The following NRXN1 variants were observed in gnomAD, a reference collection of about 807,000 sequenced individuals.
NRXN1 encodes the protein neurexin 1, also known as neurexin-1.
A neutral mutation model predicts 150.9 loss-of-function variants in NRXN1; 39 were observed. That is an observed-to-expected ratio of 0.26 (90% CI 0.20 to 0.34). NRXN1 has a LOEUF of 0.34. Ranked by LOEUF, NRXN1 falls within the 10% of genes least tolerant of loss-of-function variation. NRXN1 has a pLI of 1.00. For missense variants in NRXN1, 1,815 were observed against 1,949.9 expected (o/e 0.93, Z 1.30); for synonymous variants, 924 against 757.0 (o/e 1.22, Z -3.62).
At chr2:50,332,836 T>A (rs1043059062) in intron 17 of NRXN1, among the ~76,000 whole-genome samples, 4 of 152,206 alleles carry the variant, frequency 2.6e-5, no homozygotes, top group Non-Finnish European at 5.9e-5. Context: ...TTTTGAGTTA[T>A]TTCAACAATG....
At chr2:50,550,550 C>T (rs534108207) in intron 9 of NRXN1, among the ~76,000 whole-genome samples, 12 of 151,958 alleles carry the variant, frequency 7.9e-5, no homozygotes, top group African/African-American at 2.9e-4. Context: ...CTTGAAAGTT[C>T]ATATGTACCA....
chr2:50,964,026 T>A (rs1186049736), intron 2 of NRXN1: 2 of 433,314 alleles, frequency 4.6e-6, no homozygotes, highest in African/African-American at 4.1e-5. Context: ...AGCATTTAAT[T>A]TTTTGCCTAC....
intron 21 of NRXN1, among the ~76,000 whole-genome samples, chr2:50,012,329 T>C (rs1056555339): frequency 6.6e-6 from 1 of 152,126 alleles, no homozygotes; most frequent in African/African-American, 2.4e-5. Context: ...TCTTTTTAAA[T>C]CTGATATTTG....
intron 17 of NRXN1, among the ~76,000 whole-genome samples, chr2:50,420,170 G>A (rs912524702): frequency 2.6e-5 from 4 of 151,912 alleles, no homozygotes; most frequent in African/African-American, 4.8e-5. Flanking sequence ...AGGTATAAAA[G>A]GTATCCAAGA....
chr2:50,253,291 T>A (rs2067342823), intron 17 of NRXN1, among the ~76,000 whole-genome samples: 1 of 152,190 alleles, frequency 6.6e-6, no homozygotes, highest in African/African-American at 2.4e-5. Context: ...AAGTTGTTTA[T>A]CAGCTTAAGA....
intron 17 of NRXN1, among the ~76,000 whole-genome samples, chr2:50,250,919 T>C (rs1258004186): frequency 1.3e-5 from 2 of 151,560 alleles, no homozygotes; most frequent in Admixed American, 6.6e-5. Context: ...TTATTACACA[T>C]TGCATATGTA....
At chr2:50,885,206 C>G (rs1390984035) in intron 5 of NRXN1, among the ~76,000 whole-genome samples, 1 of 151,440 alleles carries the variant, frequency 6.6e-6, no homozygotes, top group East Asian at 1.9e-4. Context: ...ACAGTATGTA[C>G]TATCTTTTTT....
At chr2:50,968,116 T>C (rs1205268942) in intron 2 of NRXN1, among the ~76,000 whole-genome samples, 3 of 152,060 alleles carry the variant, frequency 2.0e-5, no homozygotes, top group Admixed American at 1.3e-4. Context: ...CTGGTGATTC[T>C]GGAAAGAATG....
chr2:50,247,905 G>C (rs544303), intron 17 of NRXN1, among the ~76,000 whole-genome samples: 89,002 of 151,984 alleles, frequency 0.59, 26,809 homozygotes, highest in African/African-American at 0.72. Flanking sequence ...TGGGAGCTAA[G>C]TGAAGACACA....
intron 21 of NRXN1, among the ~76,000 whole-genome samples, chr2:50,005,080 C>T (rs1684542796): frequency 6.6e-6 from 1 of 152,108 alleles, no homozygotes; most frequent in Non-Finnish European, 1.5e-5. Context: ...CATGAAACCA[C>T]TGTCTTTCTT....
At chr2:50,232,153 T>C (rs147438513) in intron 18 of NRXN1, among the ~76,000 whole-genome samples, 65 of 152,130 alleles carry the variant, frequency 4.3e-4, no homozygotes, top group African/African-American at 1.5e-3. Flanking sequence ...AAATGTTTGC[T>C]ATAAATCATA....
intron 21 of NRXN1, among the ~76,000 whole-genome samples, chr2:50,045,198 G>T (rs187242731): frequency 1.3e-4 from 20 of 152,132 alleles, no homozygotes; most frequent in African/African-American, 4.3e-4. Flanking sequence ...ACTAACATAG[G>T]CTCTAGATGA....
At position 50,355,397 on chromosome 2, in the gene NRXN1, T is replaced by TA. The variant is rs569665614; in HGVS notation, c.3364+110044dup. On this transcript the variant is annotated intron_variant, in intron 17 of 22. Transcript: ENST00000401669. ...CTACTATCAAGACCTTTTTACCAGGTAAAATTAAAATTCTGTAGCATGTTA... is the reference window on the plus strand; with the variant it reads ...CTACTATCAAGACCTTTTTACCAGGTAAAAATTAAAATTCTGTAGCATGTTA... Among the ~76,000 whole-genome samples the TA allele has an allele frequency of 9.5e-4, 145 of 151,914 alleles. 3 individuals carry two copies. The highest frequency in any genetic ancestry group is 6.8e-3 in the Middle Eastern group (2 of 294).
intron 17 of NRXN1, among the ~76,000 whole-genome samples, chr2:50,399,016 C>T (rs1241304884): frequency 6.6e-6 from 1 of 152,104 alleles, no homozygotes; most frequent in East Asian, 1.9e-4. Context: ...ATGTGCGTGA[C>T]TATTTTCAGG....
intron 22 of NRXN1, among the ~76,000 whole-genome samples, chr2:49,927,114 G>A (rs1669244354): frequency 1.3e-5 from 2 of 152,154 alleles, no homozygotes; most frequent in South Asian, 4.1e-4. Flanking sequence ...TACTCAGGAA[G>A]GTGTTCAATA....
At chr2:50,162,596 C>T (rs1372769626) in intron 18 of NRXN1, among the ~76,000 whole-genome samples, 2 of 151,754 alleles carry the variant, frequency 1.3e-5, no homozygotes, top group Non-Finnish European at 2.9e-5. Flanking sequence ...AAAAGGGCAC[C>T]AAATTCACTC....
chr2:50,596,915 G>A (rs542825669), intron 8 of NRXN1, among the ~76,000 whole-genome samples: 1 of 136,224 alleles, frequency 7.3e-6, no homozygotes, highest in African/African-American at 2.9e-5. Context: ...TACCCAGGCT[G>A]GATTACTGTG....
At chr2:50,029,573 A>G (rs1688881589) in intron 21 of NRXN1, among the ~76,000 whole-genome samples, 1 of 152,154 alleles carries the variant, frequency 6.6e-6, no homozygotes, top group African/African-American at 2.4e-5. Context: ...AACTAAGGAA[A>G]GGCCATGTGG....
At chr2:50,784,298 A>C (rs1704782894) in intron 5 of NRXN1, among the ~76,000 whole-genome samples, 1 of 152,054 alleles carries the variant, frequency 6.6e-6, no homozygotes, top group Non-Finnish European at 1.5e-5. Context: ...TGCTTTTACT[A>C]TGCCATCCTG....
Sources: gnomAD v4.1 joint callset for allele counts (sites outside exome capture counted in the v4.1 genomes callset) on GRCh38, gnomAD v4.1.1 for gene constraint, MANE v1.5 for transcripts, NCBI Gene and HGNC (gene_info 2026-07-23, HGNC 2026-07-21) for gene names.